Variants in P2RY12 observed in about 807,000 individuals in gnomAD.
P2RY12 encodes the protein P2Y purinoceptor 12.
A neutral mutation model predicts 4.5 loss-of-function variants in P2RY12; 3 were observed. That is an observed-to-expected ratio of 0.67 (90% confidence interval 0.31 to 1.74). P2RY12 has a LOEUF of 1.74. P2RY12 is among the 40% of genes most tolerant of loss of function. P2RY12 has a pLI of 0.09. For missense variants in P2RY12, 356 were observed against 407.8 expected (o/e 0.87, Z 1.09); for synonymous variants, 148 against 154.1 (o/e 0.96, Z 0.29).
chr3:151,384,071 T>G, intron 1 of P2RY12: 1 of 1,605,688 alleles, frequency 6.2e-7, no homozygotes, highest in Non-Finnish European at 8.5e-7. Flanking sequence ...AAATAATTAT[T>G]TTCTTTCTTA....
intron 1 of P2RY12, among the ~76,000 whole-genome samples, chr3:151,372,245 G>T (rs1289004364): frequency 1.3e-5 from 2 of 152,156 alleles, no homozygotes; most frequent in African/African-American, 4.8e-5. Context: ...ATACATTCAT[G>T]CTTGAAATAT....
intron 1 of P2RY12, among the ~76,000 whole-genome samples, chr3:151,360,127 A>G (rs1754429656): frequency 6.6e-6 from 1 of 152,112 alleles, no homozygotes; most frequent in Admixed American, 6.6e-5. Context: ...GGAATTTGTG[A>G]ATCTGCGGAG....
chr3:151,376,221 C>T (rs751441422), intron 1 of P2RY12: 11 of 1,456,004 alleles, frequency 7.6e-6, no homozygotes, highest in South Asian at 1.6e-5. Context: ...TCAGGTCAGT[C>T]GTATACAGAT....
chr3:151,348,628 G>A (rs1476972266), intron 1 of P2RY12, among the ~76,000 whole-genome samples: 1 of 151,642 alleles, frequency 6.6e-6, no homozygotes, highest in Admixed American at 6.6e-5. Flanking sequence ...GAATCATTTG[G>A]GGGTGGGGAA....
intron 1 of P2RY12, chr3:151,350,183 A>G: frequency 6.2e-7 from 1 of 1,613,914 alleles, no homozygotes; most frequent in Non-Finnish European, 8.5e-7. Context: ...ATTCTAAATA[A>G]GAAGAGCACC....
chr3:151,373,899 A>G (rs1410145693), intron 1 of P2RY12, among the ~76,000 whole-genome samples: 2 of 152,166 alleles, frequency 1.3e-5, no homozygotes, highest in Non-Finnish European at 2.9e-5. Context: ...TCTGGGTATT[A>G]TGTATGCTCA....
chr3:151,383,963 T>G (rs747978901), intron 1 of P2RY12: 67 of 1,480,390 alleles, frequency 4.5e-5, no homozygotes, highest in Non-Finnish European at 6.2e-5. Flanking sequence ...GATGGCGATT[T>G]CTGCCACATC....
In P2RY12 at chr3:151,365,817, G is replaced by T. The variant is rs200118612; in HGVS notation, c.-180+18875C>A. ...AGGTGAGTATTTCTCTTTTGTACAAGGTTACTTTCTGTGTCTTCTTTTTCT... is the reference window on the plus strand; with the variant it reads ...AGGTGAGTATTTCTCTTTTGTACAATGTTACTTTCTGTGTCTTCTTTTTCT... On this transcript the variant is annotated intron_variant, in intron 1 of 2. Coordinates refer to ENST00000302632, the MANE Select transcript of P2RY12 (RefSeq NM_022788.5). 4.0e-5 allele frequency: 63 copies of T among 1,568,152 alleles called. 1 individual carries two copies. The South Asian group carries it at 7.0e-4, about 17-fold the overall frequency.
intron 1 of P2RY12, among the ~76,000 whole-genome samples, chr3:151,348,355 A>G (rs982594138): frequency 1.5e-4 from 10 of 68,792 alleles, no homozygotes; most frequent in South Asian, 6.5e-4. Flanking sequence ...AAAAAAAAAA[A>G]AAAAAAAAGA....
chr3:151,339,125 T>C (rs182003537), intron 2 of P2RY12, among the ~76,000 whole-genome samples: 176 of 152,294 alleles, frequency 1.2e-3, no homozygotes, highest in Non-Finnish European at 2.1e-3. Context: ...AATGTTTGCC[T>C]CTTAAAGCAC....
At chr3:151,351,307 A>G (rs1030433358) in intron 1 of P2RY12, among the ~76,000 whole-genome samples, 1 of 152,214 alleles carries the variant, frequency 6.6e-6, no homozygotes, top group African/African-American at 2.4e-5. Flanking sequence ...TTCTATCTGC[A>G]TATGGCATTC....
chr3:151,377,774 G>A (rs565879243), intron 1 of P2RY12, among the ~76,000 whole-genome samples: 4 of 152,282 alleles, frequency 2.6e-5, no homozygotes, highest in African/African-American at 9.6e-5. Context: ...ATTAAAGTCA[G>A]TTTAGTTACA....
chr3:151,372,306 C>T (rs1756283012), intron 1 of P2RY12, among the ~76,000 whole-genome samples: 1 of 152,154 alleles, frequency 6.6e-6, no homozygotes, highest in South Asian at 2.1e-4. Context: ...AATGGCCTTT[C>T]CAAGTTTGGT....
chr3:151,382,998 A>G (rs1712675262), intron 1 of P2RY12, among the ~76,000 whole-genome samples: 1 of 152,180 alleles, frequency 6.6e-6, no homozygotes, highest in African/African-American at 2.4e-5. Context: ...ACCCCAGTGA[A>G]TCTCTCCTTC....
At chr3:151,376,737 G>A (rs1034826682) in intron 1 of P2RY12, 2 of 1,329,930 alleles carry the variant, frequency 1.5e-6, no homozygotes, top group Non-Finnish European at 2.2e-6. Context: ...AGTACTGTAA[G>A]AAATTACTGT....
At chr3:151,350,037 G>A in intron 1 of P2RY12, 1 of 1,600,848 alleles carries the variant, frequency 6.2e-7, no homozygotes. Flanking sequence ...AAGAGTTTCA[G>A]AATGCATTTT....
intron 1 of P2RY12, chr3:151,365,752 G>C: frequency 8.9e-7 from 1 of 1,118,522 alleles, no homozygotes; most frequent in South Asian, 1.9e-5. Context: ...AAAATGACTT[G>C]TTTGATGTTA....
intron 1 of P2RY12, among the ~76,000 whole-genome samples, chr3:151,343,914 A>G (rs17282947): frequency 0.11 from 16,839 of 152,136 alleles, 1,230 homozygotes; most frequent in Middle Eastern, 0.17. Flanking sequence ...TTTTAGTTCC[A>G]GTGGTCTCTG....
intron 1 of P2RY12, chr3:151,376,697 A>G (rs1577494065): frequency 3.2e-6 from 3 of 930,036 alleles, no homozygotes; most frequent in East Asian, 2.5e-5. Context: ...TTCATTGTGT[A>G]TGATTATTCT....
Sources: allele counts gnomAD v4.1 joint callset (sites outside exome capture counted in the v4.1 genomes callset), GRCh38; gene constraint gnomAD v4.1.1; transcripts MANE v1.5; gene names NCBI Gene and HGNC (gene_info 2026-07-23, HGNC 2026-07-21).